ERC1: variants seen among roughly 807,000 people sequenced by gnomAD.
The protein encoded by ERC1 is ELKS/RAB6-interacting/CAST family member 1, also known as RAB6 interacting protein 2.
A neutral mutation model predicts 132.0 loss-of-function variants in ERC1; 56 were observed. The ratio of observed to expected loss-of-function variants is 0.42; its 90% CI spans 0.34 to 0.53. The LOEUF (loss-of-function observed/expected upper bound fraction) is 0.53. Among genes scored for constraint, ERC1 ranks in the 20% least tolerant of loss-of-function variants. The pLI is 0.03. For missense variants in ERC1, 1,202 were observed against 1,349.9 expected, an observed-to-expected ratio of 0.89 and a Z score of 1.72; for synonymous variants, 478 against 476.1, an observed-to-expected ratio of 1.00 and a Z score of -0.05.
At chr12:1,474,892 T>C (rs2154429026) in intron 18 of ERC1, among the ~76,000 whole-genome samples, 1 of 152,344 alleles carries the variant, frequency 6.6e-6, no homozygotes, top group Admixed American at 6.5e-5. Context: ...CATTCTCCCC[T>C]TCCCTCTGCT....
chr12:1,429,784 T>C (rs751273928), intron 17 of ERC1, among the ~76,000 whole-genome samples: 2 of 152,220 alleles, frequency 1.3e-5, no homozygotes, highest in Non-Finnish European at 2.9e-5. Flanking sequence ...GATACAATTT[T>C]AGATAAGGAC....
intron 18 of ERC1, among the ~76,000 whole-genome samples, chr12:1,467,825 A>AGGCAT (rs1298658194): frequency 6.6e-6 from 1 of 152,226 alleles, no homozygotes; most frequent in Non-Finnish European, 1.5e-5. Flanking sequence ...TTAGATTCTC[A>AGGCAT]TAAGGAGCAC....
chr12:1,371,899 C>T lies in ERC1; in HGVS notation c.2847C>T (p.Ser949=). The change falls in exon 16 of 19, where the codon TCC becomes TCT. Residue 949 remains serine (S), a synonymous_variant. Transcript: ENST00000360905. ...DANIALLELS[S]SKKKTQEEVA... ...ATATAGCTCTCTTGGAGCTTTCGTCCTCTAAGAAGAAGACCCAAGAGGAAG... is the reference window on the plus strand; with the variant it reads ...ATATAGCTCTCTTGGAGCTTTCGTCTTCTAAGAAGAAGACCCAAGAGGAAG... The T allele has an allele frequency of 2.5e-6, 4 of 1,614,098 alleles. No homozygotes were observed. Among genetic ancestry groups the T allele is most frequent in the South Asian group, 2.2e-5 (2 of 91,070 alleles).
chr12:1,473,727 G>A (rs924414340), intron 18 of ERC1, among the ~76,000 whole-genome samples: 1 of 151,952 alleles, frequency 6.6e-6, no homozygotes, highest in Non-Finnish European at 1.5e-5. Context: ...CACAGTCTCT[G>A]CAAGTGCAGA....
At chr12:1,005,654 T>C (rs1963430547) in intron 1 of ERC1, among the ~76,000 whole-genome samples, 1 of 152,194 alleles carries the variant, frequency 6.6e-6, no homozygotes, top group South Asian at 2.1e-4. Context: ...TTTATTCTTA[T>C]GCTTTGGGCC....
rs575803384 is a variant in ERC1 at position 1,293,530 on chromosome 12, G to A, written c.2780+3518G>A. Reference sequence around the variant, plus strand: ...TGTAATCCCAGCTACTCAGGAGGCCGAGGCAGGAGAATCACTTGAACCCAG... The same window carrying A: ...TGTAATCCCAGCTACTCAGGAGGCCAAGGCAGGAGAATCACTTGAACCCAG... On this transcript the variant is annotated intron_variant, in intron 15 of 18. Transcript: ENST00000360905. Among the ~76,000 whole-genome samples, 9 of 130,154 alleles carry A rather than the reference G, an allele frequency of 6.9e-5. 1 individual carries two copies. Among genetic ancestry groups the A allele is most frequent in the African/African-American group, 2.2e-4 (8 of 35,864 alleles). The allele number at this position is 130,154 out of a possible 152,430, so 85.4% of individuals were successfully genotyped here.
chr12:1,094,415 C>T (rs1365255975), intron 3 of ERC1, among the ~76,000 whole-genome samples: 1 of 137,996 alleles, frequency 7.2e-6, no homozygotes, highest in Non-Finnish European at 1.6e-5. Flanking sequence ...CCTTCTCTCT[C>T]TTTTTTTTTT....
In ERC1 at chr12:1,005,328, AGATG is replaced by A. The variant is rs1189355960; in HGVS notation, c.-157+14008_-157+14011del. On this transcript the variant is annotated intron_variant, in intron 1 of 18. Transcript: ENST00000360905. Reference sequence around the variant, plus strand: ...ACCACACCCAGCTAATTTTTTGTAGAGATGGGGTTTTGCCATGTTGCCCAGGCTG... The same window carrying A: ...ACCACACCCAGCTAATTTTTTGTAGAGGGTTTTGCCATGTTGCCCAGGCTG... Among the ~76,000 whole-genome samples, 4 of 151,978 alleles carry A rather than the reference AGATG, an allele frequency of 2.6e-5. No individual in the cohort carries two copies. The East Asian group carries it at 7.7e-4, about 29-fold the overall frequency.
chr12:1,392,312 T>A (rs1441170988), intron 16 of ERC1, among the ~76,000 whole-genome samples: 2 of 152,200 alleles, frequency 1.3e-5, no homozygotes, highest in Non-Finnish European at 2.9e-5. Context: ...TCATGAGTGA[T>A]CAGGCCTCAA....
intron 8 of ERC1, among the ~76,000 whole-genome samples, chr12:1,174,617 A>G (rs975188415): frequency 2.6e-5 from 4 of 152,220 alleles, no homozygotes; most frequent in African/African-American, 9.6e-5. Flanking sequence ...TTCTCCCTAG[A>G]TGCAGATGAT....
intron 13 of ERC1, among the ~76,000 whole-genome samples, chr12:1,259,554 C>T (rs1416292294): frequency 6.6e-5 from 8 of 120,734 alleles, no homozygotes; most frequent in Non-Finnish European, 1.6e-5. Context: ...GACGGAGTCT[C>T]ACTCTGTTAC....
Position 1,491,382 on chromosome 12 carries a change from C to T in ERC1, c.*1152C>T. 1 of 231,094 alleles carries T rather than the reference C, an allele frequency of 4.3e-6. No homozygotes were observed. Among genetic ancestry groups the T allele is most frequent in the Non-Finnish European group, 8.6e-6 (1 of 116,696 alleles). The allele number at this position is 231,094 out of a possible 1,614,324, so 14.3% of individuals were successfully genotyped here. On this transcript the variant is annotated 3_prime_UTR_variant, in exon 19 of 19. Coordinates refer to ENST00000360905, the MANE Select transcript of ERC1 (RefSeq NM_178040.4). ...GAAGGTTTTTCCTCCTACACACATT[C>T]CTTCCTCGGTTATTTCATTCAGAGA...
intron 8 of ERC1, among the ~76,000 whole-genome samples, chr12:1,155,401 C>T (rs1479588783): frequency 6.7e-6 from 1 of 150,200 alleles, no homozygotes; most frequent in Non-Finnish European, 1.5e-5. Flanking sequence ...AGAAGTCATT[C>T]TGAAAAAAAA....
At chr12:1,400,402 C>A (rs1159163726) in intron 16 of ERC1, among the ~76,000 whole-genome samples, 2 of 152,130 alleles carry the variant, frequency 1.3e-5, no homozygotes, top group Admixed American at 1.3e-4. Context: ...CTGTTTACAG[C>A]ATAAAATTTT....
chr12:1,104,229 A>G (rs950401513), intron 3 of ERC1, among the ~76,000 whole-genome samples: 3 of 152,020 alleles, frequency 2.0e-5, no homozygotes, highest in African/African-American at 7.2e-5. Context: ...CTGTAGCACC[A>G]CTAGAGAGCG....
intron 7 of ERC1, among the ~76,000 whole-genome samples, chr12:1,137,990 A>G (rs917911874): frequency 2.3e-5 from 3 of 130,058 alleles, no homozygotes; most frequent in Non-Finnish European, 4.7e-5. Context: ...AGTATATATA[A>G]TATATATTAA....
At chr12:1,179,742 C>T (rs1050331488) in intron 8 of ERC1, among the ~76,000 whole-genome samples, 1 of 152,174 alleles carries the variant, frequency 6.6e-6, no homozygotes, top group East Asian at 1.9e-4. Flanking sequence ...CTCCTGACCT[C>T]GTGATCTGCC....
At chr12:1,354,315 G>A (rs562833945) in intron 15 of ERC1, among the ~76,000 whole-genome samples, 5 of 152,146 alleles carry the variant, frequency 3.3e-5, no homozygotes, top group South Asian at 2.1e-4. Context: ...CTTGAGGTCA[G>A]GAGTTCGAGA....
At chr12:1,285,966 G>A (rs2079016609) in intron 14 of ERC1, among the ~76,000 whole-genome samples, 1 of 152,130 alleles carries the variant, frequency 6.6e-6, no homozygotes, top group Non-Finnish European at 1.5e-5. Context: ...TATTCCAAGA[G>A]TTCAAGGTTG....
Sources: allele counts gnomAD v4.1 joint callset (sites outside exome capture counted in the v4.1 genomes callset), GRCh38; gene constraint gnomAD v4.1.1; transcripts MANE v1.5; gene names NCBI Gene and HGNC (gene_info 2026-07-23, HGNC 2026-07-21).